The following KCNJ10 variants were observed in gnomAD, a reference collection of about 807,000 sequenced individuals.
KCNJ10 encodes ATP-sensitive inward rectifier potassium channel 10.
A neutral mutation model predicts 22.2 loss-of-function variants in KCNJ10; 9 were observed. That is an observed-to-expected ratio of 0.40 (90% CI 0.24 to 0.71). The LOEUF (loss-of-function observed/expected upper bound fraction) is 0.71. Ranked by LOEUF, KCNJ10 falls within the 30% of genes least tolerant of loss-of-function variation. The pLI is 0.35. For synonymous variants in KCNJ10, 184 were observed against 187.3 expected (o/e 0.98, Z 0.15); for missense variants, 337 against 482.7 (o/e 0.70, Z 2.83).
intron 1 of KCNJ10, among the ~76,000 whole-genome samples, chr1:160,054,877 G>T (rs571341967): frequency 8.1e-4 from 124 of 152,322 alleles, no homozygotes; most frequent in African/African-American, 2.9e-3. Flanking sequence ...GGCTGACCAG[G>T]TTGCAGATGG....
intron 1 of KCNJ10, among the ~76,000 whole-genome samples, chr1:160,043,105 G>A (rs903988211): frequency 1.1e-4 from 16 of 152,124 alleles, no homozygotes; most frequent in Admixed American, 9.8e-4. Context: ...AAGAGTAGTA[G>A]CTTCACATTC....
chr1:160,049,722 T>TATTTA (rs1553235666), intron 1 of KCNJ10, among the ~76,000 whole-genome samples: 1 of 122,898 alleles, frequency 8.1e-6, no homozygotes, highest in Non-Finnish European at 1.7e-5. Flanking sequence ...TATATATATG[T>TATTTA]TATCCTAAAG....
chr1:160,062,406 G>C (rs1469866948), intron 1 of KCNJ10: 1 of 152,318 alleles, frequency 6.6e-6, no homozygotes, highest in Non-Finnish European at 1.5e-5. Context: ...TTAGTATGCA[G>C]AGCCAGCCCC....
At position 160,039,597 on chromosome 1, in the gene KCNJ10, T is replaced by C. The variant is rs1042348021; in HGVS notation, c.*1796A>G. On this transcript the variant is annotated 3_prime_UTR_variant, in exon 2 of 2. Transcript: ENST00000644903. ...AGGTAATGGTGGGGTTTACTGTAGA[T>C]GGACACCGAAGGGTCTTTGTTTTCA... 3.9e-5 allele frequency: 6 copies of C among 152,208 alleles called. No homozygotes were observed. Among genetic ancestry groups the C allele is most frequent in the African/African-American group, 9.6e-5 (4 of 41,468 alleles). 9.4% of individuals were successfully genotyped at this position (152,208 alleles called of 1,614,324 possible).
At position 160,041,874 on chromosome 1, in the gene KCNJ10, G is replaced by C. The variant is rs1446546759; in HGVS notation, c.659C>G (p.Thr220Ser). Residue 220 changes from threonine (T) to serine (S), a missense_variant, in exon 2 of 2, where the codon ACC (threonine) becomes AGC (serine). Physicochemically the swap from Thr to Ser is moderately conservative, Grantham distance 58. This residue lies in a region of KCNJ10 where 165 missense variants were observed against 281.5 expected (regional missense o/e 0.59). Transcript: ENST00000644903. This position sits in a 1 kb window ranked among gnomAD's most constrained non-coding sequence, Gnocchi z 4.4. Reference protein sequence around the residue: ...GCQVTGKLLQTHQTKEGENIR... With the variant: ...GCQVTGKLLQSHQTKEGENIR... ...GTTCTCCCCTTCCTTGGTTTGGTGG[G>C]TCTGAAGCAGTTTTCCTGTCACCTG... 1 of 1,614,064 alleles carries C rather than the reference G, an allele frequency of 6.2e-7. No individual in the cohort carries two copies. The highest frequency in any genetic ancestry group is 8.5e-7 in the Non-Finnish European group (1 of 1,180,042).
intron 1 of KCNJ10, 79 bp from the exon 2 acceptor site, chr1:160,042,611 G>T: frequency 8.2e-7 from 1 of 1,219,052 alleles, no homozygotes; most frequent in Non-Finnish European, 1.2e-6. Flanking sequence ...TGGGAGGGAG[G>T]AATTAACATT....
intron 1 of KCNJ10, among the ~76,000 whole-genome samples, chr1:160,062,845 T>A (rs1649235169): frequency 1.3e-5 from 2 of 151,556 alleles, no homozygotes; most frequent in African/African-American, 2.4e-5. Context: ...GGGTTTGGGG[T>A]CTTTGGGGTT....
At chr1:160,048,443 T>C (rs1557969954) in intron 1 of KCNJ10, among the ~76,000 whole-genome samples, 1 of 152,226 alleles carries the variant, frequency 6.6e-6, no homozygotes, top group Admixed American at 6.5e-5. Context: ...CTTTGTAAAT[T>C]GCTACAGAGC....
intron 1 of KCNJ10, among the ~76,000 whole-genome samples, chr1:160,061,771 G>C (rs542868818): frequency 2.7e-4 from 40 of 147,394 alleles, no homozygotes; most frequent in Non-Finnish European, 4.5e-5. Context: ...TGGGGTGGAG[G>C]GAGGGTGGGT....
chr1:160,049,870 T>G (rs1365883322), intron 1 of KCNJ10, among the ~76,000 whole-genome samples: 3 of 151,410 alleles, frequency 2.0e-5, no homozygotes, highest in Non-Finnish European at 1.5e-5. Context: ...CAGGGAGATG[T>G]GGAAGTTCTT....
chr1:160,066,695 C>T (rs1378149064), intron 1 of KCNJ10, among the ~76,000 whole-genome samples: 3 of 152,140 alleles, frequency 2.0e-5, no homozygotes, highest in African/African-American at 4.8e-5. Flanking sequence ...TCTCTCAGAG[C>T]GGAAAGTAGC....
intron 1 of KCNJ10, among the ~76,000 whole-genome samples, chr1:160,044,063 C>G (rs16831318): frequency 6.6e-6 from 1 of 152,040 alleles, no homozygotes; most frequent in Non-Finnish European, 1.5e-5. Flanking sequence ...ATGGCCTTGT[C>G]CCTGGAAAAC....
intron 1 of KCNJ10, among the ~76,000 whole-genome samples, chr1:160,050,399 C>A (rs536876356): frequency 6.6e-6 from 1 of 152,120 alleles, no homozygotes; most frequent in African/African-American, 2.4e-5. Context: ...TCCCTAAATG[C>A]AGAGATTACA....
intron 1 of KCNJ10, among the ~76,000 whole-genome samples, chr1:160,063,951 A>G (rs1367853385): frequency 1.3e-5 from 2 of 152,212 alleles, no homozygotes; most frequent in Admixed American, 6.5e-5. Context: ...TTAAAGTCCC[A>G]TTTTATAGAT....
At chr1:160,044,681 A>G (rs904314300) in intron 1 of KCNJ10, 1 of 152,224 alleles carries the variant, frequency 6.6e-6, no homozygotes, top group African/African-American at 2.4e-5. Context: ...AGTTATCAAT[A>G]GGACCCAGTG....
intron 1 of KCNJ10, chr1:160,064,977 A>T (rs1430685874): frequency 6.6e-6 from 1 of 152,004 alleles, no homozygotes. Context: ...CCCCTTTTTC[A>T]TTCCAGACGA....
At position 160,041,251 on chromosome 1, in the gene KCNJ10, A is replaced by G. The variant is rs768946463; in HGVS notation, c.*142T>C. On this transcript the variant is annotated 3_prime_UTR_variant, in exon 2 of 2. Transcript: ENST00000644903. This position sits in a 1 kb window ranked among gnomAD's most constrained non-coding sequence, Gnocchi z 4.4. ...ACCTGGACTCCAGTTGGCCTAAGCT[A>G]CCAACAGGCCACTGGGTTAAAGAAG... 9 of 848,284 alleles carry G rather than the reference A, an allele frequency of 1.1e-5. No individual in the cohort carries two copies. The highest frequency in any genetic ancestry group is 1.7e-5 in the Non-Finnish European group (9 of 530,360). 52.5% of individuals were successfully genotyped at this position (848,284 alleles called of 1,614,324 possible). A position where few individuals can be genotyped will look rare whatever the true frequency, so the allele number is the denominator to read the frequency against.
chr1:160,041,798 G>C lies in KCNJ10; in HGVS notation c.735C>G (p.Asp245Glu), dbSNP rs146426296. 2.5e-4 allele frequency: 401 copies of C among 1,614,204 alleles called. 2 individuals are homozygous for C. The African/African-American group carries it at 4.7e-3, about 19-fold the overall frequency. Residue 245 changes from aspartate to glutamate, a missense_variant, in exon 2 of 2, where the codon GAC becomes GAG. Asp to Glu is a conservative substitution (Grantham distance 45, BLOSUM62 2). This residue lies in a region of KCNJ10 where 165 missense variants were observed against 281.5 expected (regional missense o/e 0.59). Coordinates refer to ENST00000644903, the MANE Select transcript of KCNJ10 (RefSeq NM_002241.5). The surrounding 1 kb of genome is among the most constrained non-coding windows in gnomAD (Gnocchi z 4.4). ...TAAGGGGTAGAATAAGGAAGGGGCT[G>C]TCAGAGGCTGTGTCTACTTGGAAAG... ...NVTFQVDTAS[D>E]SPFLILPLTF...
intron 1 of KCNJ10, among the ~76,000 whole-genome samples, chr1:160,054,252 G>A (rs1648972584): frequency 6.6e-6 from 1 of 152,124 alleles, no homozygotes; most frequent in South Asian, 2.1e-4. Context: ...CATTGTCTGG[G>A]CCAGCAAGGC....
Sources: gnomAD v4.1 joint callset for allele counts (sites outside exome capture counted in the v4.1 genomes callset) on GRCh38, gnomAD v4.1.1 for gene constraint, gnomAD v4.1.1 regional missense constraint, Gnocchi (gnomAD v3.1) non-coding constraint, MANE v1.5 for transcripts, NCBI Gene and HGNC (gene_info 2026-07-23, HGNC 2026-07-21) for gene names.